The following ZGRF1 variants were observed in gnomAD, a reference collection of about 807,000 sequenced individuals.
ZGRF1 encodes the protein zinc finger GRF-type containing 1, also known as 5'-3' DNA helicase ZGRF1.
A neutral mutation model predicts 203.5 loss-of-function variants in ZGRF1; 196 were observed. That is an observed-to-expected ratio of 0.96 (90% confidence interval 0.86 to 1.08). ZGRF1 has a LOEUF of 1.08. Ranked by LOEUF, ZGRF1 falls within the 50% of genes least tolerant of loss-of-function variation. The pLI is 0.00. For synonymous variants in ZGRF1, 809 were observed against 841.3 expected, an observed-to-expected ratio of 0.96 and a Z score of 0.66; for missense variants, 2,326 against 2,416.3, an observed-to-expected ratio of 0.96 and a Z score of 0.78.
intron 17 of ZGRF1, 98 bp downstream of exon 17, chr4:112,563,032 AC>A (rs1343020073): frequency 1.1e-6 from 1 of 946,228 alleles, no homozygotes; most frequent in African/African-American, 1.7e-5. Context: ...AACAGTCGAA[AC>A]TAGAGTTGGG....
In ZGRF1 at chr4:112,612,559, G is replaced by A; in HGVS notation, c.2632C>T (p.Pro878Ser). Reference protein sequence around the residue: ...VRKPFITVVSPKSPHLHKDSQ... With the variant: ...VRKPFITVVSSKSPHLHKDSQ... ...TCCTTGTGCAGATGAGGAGACTTTG[G>A]TGAAACTACTGTAATAAATGGTTTC... Residue 878 changes from proline to serine, a missense_variant, in exon 7 of 28, where the codon CCA becomes TCA. Pro to Ser is a moderately conservative substitution (Grantham distance 74). Coordinates refer to ENST00000505019, the MANE Select transcript of ZGRF1 (RefSeq NM_018392.5). The A allele has an allele frequency of 2.5e-6, 4 of 1,607,570 alleles. No individual in the cohort carries two copies. The highest frequency in any genetic ancestry group is 3.4e-6 in the Non-Finnish European group (4 of 1,175,438).
intron 16 of ZGRF1, chr4:112,565,042 A>T: frequency 9.0e-7 from 1 of 1,105,386 alleles, no homozygotes; most frequent in Non-Finnish European, 1.4e-6. Flanking sequence ...ACCACCCAGG[A>T]AGCAACTGGC....
At chr4:112,564,443 A>G (rs374848575) in intron 16 of ZGRF1, among the ~76,000 whole-genome samples, 1 of 152,226 alleles carries the variant, frequency 6.6e-6, no homozygotes, top group South Asian at 2.1e-4. Flanking sequence ...AATCTATCAA[A>G]TTGGATTCAT....
chr4:112,575,612 A>G (rs1745041528), intron 16 of ZGRF1, among the ~76,000 whole-genome samples: 1 of 152,224 alleles, frequency 6.6e-6, no homozygotes, highest in Non-Finnish European at 1.5e-5. Context: ...CTTAGCAAAC[A>G]GCACACCAGG....
At chr4:112,583,227 T>A (rs1746585748) in intron 15 of ZGRF1, among the ~76,000 whole-genome samples, 3 of 152,174 alleles carry the variant, frequency 2.0e-5, no homozygotes, top group Non-Finnish European at 2.9e-5. Context: ...ATGCAAATAG[T>A]CATTATATTT....
intron 17 of ZGRF1, 60 bp from the exon 18 acceptor site, chr4:112,562,545 T>C: frequency 2.0e-6 from 2 of 995,316 alleles, no homozygotes; most frequent in Non-Finnish European, 3.1e-6. Flanking sequence ...ATAAAAACTC[T>C]GTGTTAAATG....
At position 112,554,755 on chromosome 4, in the gene ZGRF1, A is replaced by G; in HGVS notation, c.5148T>C (p.Phe1716=). 3 of 1,542,064 alleles carry G rather than the reference A, an allele frequency of 1.9e-6. No individual in the cohort carries two copies. The highest frequency in any genetic ancestry group is 2.6e-6 in the Non-Finnish European group (3 of 1,138,478). ...LGLLSLGFEN[F]IRVGSVRKIA... ...TCTTCCTAACACTCCCAACTCTGAT[A>G]AAGTTTTCAAATCCAAGACTGAGAA... Residue 1716 remains phenylalanine, a synonymous_variant, in exon 21 of 28, where the codon TTT becomes TTC. Transcript: ENST00000505019.
chr4:112,598,695 C>T (rs1423286936), intron 10 of ZGRF1, among the ~76,000 whole-genome samples: 2 of 151,574 alleles, frequency 1.3e-5, no homozygotes, highest in Non-Finnish European at 2.9e-5. Flanking sequence ...GTTCTGAGCT[C>T]CAGAAATCAC....
chr4:112,573,200 A>C lies in ZGRF1; in HGVS notation c.4438+8463T>G, dbSNP rs200461713. On this transcript the variant is annotated intron_variant, in intron 16 of 27. Transcript: ENST00000505019. ...CACACACACACACACACACACACAC[A>C]CCCATGGAATACTATTCAGCCATAA... is the stretch of plus-strand genomic sequence containing the variant. Among the ~76,000 whole-genome samples the C allele has an allele frequency of 1.6e-3, 233 of 148,840 alleles. 1 individual carries two copies. Among genetic ancestry groups the C allele is most frequent in the African/African-American group, 4.9e-3 (196 of 39,746 alleles).
intron 20 of ZGRF1, among the ~76,000 whole-genome samples, chr4:112,555,677 T>A (rs1740797155): frequency 6.6e-6 from 1 of 152,206 alleles, no homozygotes; most frequent in South Asian, 2.1e-4. Context: ...CCATGCTCTT[T>A]CATTTCTTCT....
chr4:112,631,948 G>T lies in ZGRF1; in HGVS notation c.84C>A (p.Ile28=). 6.3e-7 allele frequency: 1 copy of T among 1,595,920 alleles called. No individual in the cohort carries two copies. Among genetic ancestry groups the T allele is most frequent in the Non-Finnish European group, 8.5e-7 (1 of 1,170,736 alleles). The change falls in exon 3 of 28, where the codon ATC becomes ATA. Residue 28 remains isoleucine, a synonymous_variant. Transcript: ENST00000505019. Reference sequence around the variant, plus strand: ...TACTCACTTTGTTTCCTAAGTGAGTGATCTTCAGAATTCCATCTTGCCACA... The same window carrying T: ...TACTCACTTTGTTTCCTAAGTGAGTTATCTTCAGAATTCCATCTTGCCACA... ...SKVWQDGILK[I]THLGNKAILY... is the part of the protein sequence containing the mutation.
chr4:112,617,430 C>T lies in ZGRF1; in HGVS notation c.2602+10G>A. The T allele has an allele frequency of 2.0e-6, 3 of 1,516,188 alleles. No individual in the cohort carries two copies. The highest frequency in any genetic ancestry group is 2.7e-5 in the South Asian group (2 of 73,932). 93.9% of individuals were successfully genotyped at this position (1,516,188 alleles called of 1,614,324 possible). A position where few individuals can be genotyped will look rare whatever the true frequency, so the allele number is the denominator to read the frequency against. The stretch of plus-strand genomic sequence containing the variant: ...AAGAAAACATTCCAAAATAGACATG[C>T]AATTCTAACCTTCAGGAGGGCTATC... On this transcript the variant is annotated intron_variant, in intron 6 of 27. Coordinates refer to ENST00000505019, the MANE Select transcript of ZGRF1 (RefSeq NM_018392.5).
chr4:112,632,064 A>C, intron 2 of ZGRF1, 54 bp from the exon 3 acceptor site: 1 of 843,310 alleles, frequency 1.2e-6, no homozygotes, highest in African/African-American at 1.8e-5. Flanking sequence ...ATTTAATGTT[A>C]TGTATTTTAT....
intron 9 of ZGRF1, 53 bp from the exon 10 acceptor site, chr4:112,603,750 T>C: frequency 7.4e-7 from 1 of 1,347,302 alleles, no homozygotes; most frequent in Non-Finnish European, 1.0e-6. Flanking sequence ...TTGACATATA[T>C]ATTCACAAAG....
In ZGRF1 at chr4:112,585,660, T is replaced by A. The variant is rs1464383125; in HGVS notation, c.3982A>T (p.Ile1328Leu). 4 of 1,609,368 alleles carry A rather than the reference T, an allele frequency of 2.5e-6. No individual in the cohort carries two copies. The highest frequency in any genetic ancestry group is 1.7e-6 in the Non-Finnish European group (2 of 1,177,796). Reference sequence around the variant, plus strand: ...CCCTTCAATGATGTATAAAATGATATGTCAACTTTTGAAAGAGCTTTCTGC... The same window carrying A: ...CCCTTCAATGATGTATAAAATGATAAGTCAACTTTTGAAAGAGCTTTCTGC... Reference protein sequence around the residue: ...NLQKALSKVDISFYTSLKGEK... With the variant: ...NLQKALSKVDLSFYTSLKGEK... Residue 1328 changes from isoleucine to leucine, a missense_variant, in exon 14 of 28, where the codon ATA (isoleucine) becomes TTA (leucine). By Grantham distance (5) the Ile-to-Leu change is conservative (BLOSUM62 2). Transcript: ENST00000505019.
At chr4:112,558,444 T>C (rs1403571118) in intron 19 of ZGRF1, 135 bp from the exon 20 acceptor site, 2 of 640,234 alleles carry the variant, frequency 3.1e-6, no homozygotes, top group Non-Finnish European at 4.7e-6. Context: ...CTCAGCTCAC[T>C]GTAACCTCCA....
intron 17 of ZGRF1, 111 bp downstream of exon 17, chr4:112,563,020 A>C: frequency 1.3e-6 from 1 of 773,422 alleles, no homozygotes; most frequent in Non-Finnish European, 2.0e-6. Flanking sequence ...CTCACTGTAC[A>C]CAACAGTCGA....
At chr4:112,613,253 C>A (rs1036695472) in intron 6 of ZGRF1, among the ~76,000 whole-genome samples, 1 of 152,156 alleles carries the variant, frequency 6.6e-6, no homozygotes, top group Non-Finnish European at 1.5e-5. Context: ...AAGATCGCAC[C>A]ACTGCACTCC....
intron 20 of ZGRF1, 30 bp from the exon 21 acceptor site, chr4:112,554,812 A>T: frequency 1.7e-6 from 2 of 1,165,814 alleles, no homozygotes; most frequent in African/African-American, 1.5e-5. Context: ...ATAGATTCTG[A>T]TTATTTAGGA....
Sources: allele counts gnomAD v4.1 joint callset (sites outside exome capture counted in the v4.1 genomes callset), GRCh38; gene constraint gnomAD v4.1.1; transcripts MANE v1.5; gene names NCBI Gene and HGNC (gene_info 2026-07-23, HGNC 2026-07-21).